Variants in SAMMSON observed in about 807,000 individuals in gnomAD.
SAMMSON encodes the protein long intergenic non-protein coding RNA 1212.
At chr3:70,030,372 T>G (rs968769985) in intron 3 of SAMMSON, 5 of 152,208 alleles carry the variant, frequency 3.3e-5, no homozygotes, top group Non-Finnish European at 5.9e-5. Context: ...GAGACTAGAT[T>G]AAGCAACCAG....
intron 4 of SAMMSON, among the ~76,000 whole-genome samples, chr3:70,229,992 G>C (rs1048579329): frequency 6.6e-6 from 1 of 152,050 alleles, no homozygotes; most frequent in Admixed American, 6.6e-5. Context: ...TTTGTACAAA[G>C]TATAATATAT....
chr3:70,223,791 T>C (rs961857241), intron 4 of SAMMSON, among the ~76,000 whole-genome samples: 3 of 152,176 alleles, frequency 2.0e-5, no homozygotes, highest in African/African-American at 7.2e-5. Context: ...CGTTAGCTGC[T>C]TTGGATTTCT....
intron 4 of SAMMSON, among the ~76,000 whole-genome samples, chr3:70,080,436 C>T (rs1166020162): frequency 6.6e-6 from 1 of 152,140 alleles, no homozygotes; most frequent in Non-Finnish European, 1.5e-5. Flanking sequence ...GTATGGGAAA[C>T]AGCAATGATT....
chr3:70,278,084 T>A (rs1440689447), intron 6 of SAMMSON, among the ~76,000 whole-genome samples: 1 of 152,108 alleles, frequency 6.6e-6, no homozygotes, highest in Admixed American at 6.6e-5. Flanking sequence ...CATAGACAGC[T>A]CTCATCATTT....
intron 1 of SAMMSON, among the ~76,000 whole-genome samples, chr3:70,007,556 A>C (rs1351631631): frequency 2.0e-5 from 3 of 151,646 alleles, no homozygotes; most frequent in African/African-American, 7.3e-5. Context: ...CCTTTGTCAG[A>C]TGAGTAGACT....
chr3:70,161,801 C>T (rs1012891538), intron 4 of SAMMSON, among the ~76,000 whole-genome samples: 1 of 151,702 alleles, frequency 6.6e-6, no homozygotes, highest in Non-Finnish European at 1.5e-5. Flanking sequence ...TTGACCCAGG[C>T]TCTTCTTTCT....
At chr3:70,173,316 T>C (rs1700977729) in intron 4 of SAMMSON, among the ~76,000 whole-genome samples, 1 of 151,964 alleles carries the variant, frequency 6.6e-6, no homozygotes, top group Non-Finnish European at 1.5e-5. Context: ...ATGTGCTGCA[T>C]TAATCAATTG....
chr3:70,434,518 G>T (rs1168856676), intron 2 of SAMMSON, among the ~76,000 whole-genome samples: 2 of 152,048 alleles, frequency 1.3e-5, no homozygotes, highest in Non-Finnish European at 2.9e-5. Context: ...GAAGTTTTTT[G>T]TTGATTGGGA....
At chr3:70,338,813 A>G (rs1702686571) in intron 7 of SAMMSON, among the ~76,000 whole-genome samples, 1 of 152,204 alleles carries the variant, frequency 6.6e-6, no homozygotes, top group East Asian at 1.9e-4. Flanking sequence ...TATCATGAAA[A>G]TGGCCATACT....
chr3:70,142,939 C>T (rs559978843), intron 4 of SAMMSON, among the ~76,000 whole-genome samples: 27 of 152,122 alleles, frequency 1.8e-4, no homozygotes, highest in Non-Finnish European at 3.7e-4. Flanking sequence ...ATGGAAGAAG[C>T]CCTTCATCTC....
At chr3:70,303,421 G>A (rs1046631969) in intron 7 of SAMMSON, among the ~76,000 whole-genome samples, 4 of 152,148 alleles carry the variant, frequency 2.6e-5, no homozygotes, top group Middle Eastern at 3.4e-3. Context: ...AAAATTATGC[G>A]GAGCTAATTA....
At chr3:70,326,744 A>G (rs1458262767) in intron 7 of SAMMSON, among the ~76,000 whole-genome samples, 1 of 152,196 alleles carries the variant, frequency 6.6e-6, no homozygotes, top group Admixed American at 6.5e-5. Context: ...TACCCCATAA[A>G]TAGATATTCT....
At chr3:70,088,784 A>G (rs1274657177) in intron 4 of SAMMSON, among the ~76,000 whole-genome samples, 1 of 152,206 alleles carries the variant, frequency 6.6e-6, no homozygotes, top group Non-Finnish European at 1.5e-5. Flanking sequence ...AGTTCCTTGC[A>G]TTCAGAAACT....
intron 3 of SAMMSON, among the ~76,000 whole-genome samples, chr3:70,064,409 A>C (rs748062920): frequency 3.2e-4 from 48 of 152,142 alleles, no homozygotes; most frequent in Non-Finnish European, 6.0e-4. Flanking sequence ...CTTCTCTCTC[A>C]AAGTCAAAAC....
intron 4 of SAMMSON, among the ~76,000 whole-genome samples, chr3:70,160,046 C>A (rs966087648): frequency 6.6e-6 from 1 of 151,822 alleles, no homozygotes; most frequent in Admixed American, 6.6e-5. Context: ...GATATAAATT[C>A]TTTGTTAGAC....
At chr3:70,312,122 A>G (rs1398452292) in intron 7 of SAMMSON, 8 of 388,024 alleles carry the variant, frequency 2.1e-5, no homozygotes, top group Non-Finnish European at 3.6e-5. Context: ...AAGTCTTAAC[A>G]TTTTATTCAT....
intron 7 of SAMMSON, among the ~76,000 whole-genome samples, chr3:70,295,595 A>G (rs1575618884): frequency 1.3e-5 from 2 of 152,096 alleles, no homozygotes; most frequent in Middle Eastern, 3.2e-3. Context: ...CCTATTCCTA[A>G]GTACTTGGGA....
At position 70,269,234 on chromosome 3, in the gene SAMMSON, G is replaced by T. The variant is rs574490146; in HGVS notation, n.674+19564G>T. Among the ~76,000 whole-genome samples, 104 of 152,144 alleles carry T rather than the reference G, an allele frequency of 6.8e-4. 1 individual carries two copies. The highest frequency in any genetic ancestry group is 2.0e-3 in the Admixed American group (31 of 15,264). Reference sequence around the variant, plus strand: ...AAAATTAATTAATTATCAATTATAGGCTAGGTCATAAAAGAACCAATAAAT... The same window carrying T: ...AAAATTAATTAATTATCAATTATAGTCTAGGTCATAAAAGAACCAATAAAT... On this transcript the variant is annotated intron_variant and non_coding_transcript_variant, in intron 6 of 9. Coordinates refer to ENST00000642114, the Ensembl canonical transcript of SAMMSON.
chr3:70,027,369 C>G (rs1309944914), intron 3 of SAMMSON, among the ~76,000 whole-genome samples: 1 of 152,184 alleles, frequency 6.6e-6, no homozygotes, highest in Non-Finnish European at 1.5e-5. Context: ...TCTCCTTTCT[C>G]TCCTTTGGAG....
Sources: gnomAD v4.1 joint callset for allele counts (sites outside exome capture counted in the v4.1 genomes callset) on GRCh38, gnomAD v4.1.1 for gene constraint, MANE v1.5 for transcripts, NCBI Gene and HGNC (gene_info 2026-07-23, HGNC 2026-07-21) for gene names.